Variants in RAB31 observed in about 807,000 individuals in gnomAD.
The protein encoded by RAB31 is ras-related protein Rab-31.
A neutral mutation model predicts 25.6 loss-of-function variants in RAB31; 21 were observed. The observed-to-expected ratio is 0.82, with a 90% CI of 0.58 to 1.18. The LOEUF (loss-of-function observed/expected upper bound fraction) is 1.18, where lower values mean the gene tolerates loss of function less well. Among genes scored for constraint, RAB31 ranks in the 50% most tolerant of loss-of-function variants. The pLI, the probability that RAB31 is intolerant of heterozygous loss-of-function variation, is 0.00. For missense variants in RAB31, 196 were observed against 250.1 expected, an observed-to-expected ratio of 0.78 and a Z score of 1.46; for synonymous variants, 87 against 84.0, an observed-to-expected ratio of 1.04 and a Z score of -0.20.
At position 9,815,242 on chromosome 18, in the gene RAB31, C is replaced by T. The variant is rs539681812; in HGVS notation, c.380+20C>T. 6.7e-7 allele frequency: 1 copy of T among 1,486,480 alleles called. No homozygotes were observed. The highest frequency in any genetic ancestry group is 2.5e-5 in the East Asian group (1 of 40,630). 92.1% of individuals were successfully genotyped at this position (1,486,480 alleles called of 1,614,324 possible). A position where few individuals can be genotyped will look rare whatever the true frequency, so the allele number is the denominator to read the frequency against. On this transcript the variant is annotated intron_variant, in intron 5 of 6. Coordinates refer to ENST00000578921, the MANE Select transcript of RAB31 (RefSeq NM_006868.4). Reference sequence around the variant, plus strand: ...TATTAGGTAAGATGCATTGAAATCTCTTTTGTGTAGATACTGTCCTCCATC... The same window carrying T: ...TATTAGGTAAGATGCATTGAAATCTTTTTTGTGTAGATACTGTCCTCCATC...
At chr18:9,857,258 C>T (rs62078776) in intron 6 of RAB31, among the ~76,000 whole-genome samples, 16,967 of 141,472 alleles carry the variant, frequency 0.12, 997 homozygotes, top group South Asian at 0.19. Context: ...TGGTGACTGT[C>T]TATACCATCT....
chr18:9,709,612 G>A (rs1169524491), intron 1 of RAB31, among the ~76,000 whole-genome samples: 1 of 152,106 alleles, frequency 6.6e-6, no homozygotes, highest in Non-Finnish European at 1.5e-5. Context: ...TCCCATCACC[G>A]GCCTCTTCCA....
chr18:9,796,081 A>G (rs1440829121), intron 3 of RAB31, among the ~76,000 whole-genome samples: 1 of 152,262 alleles, frequency 6.6e-6, no homozygotes, highest in East Asian at 1.9e-4. Flanking sequence ...CTAAATAATG[A>G]CATTCCAGCA....
chr18:9,745,914 T>C (rs1176178968), intron 1 of RAB31, among the ~76,000 whole-genome samples: 13 of 152,188 alleles, frequency 8.5e-5, no homozygotes, highest in African/African-American at 2.9e-4. Flanking sequence ...TAGGAAGTCT[T>C]ACCCAGAGCA....
chr18:9,787,034 A>T (rs772770794), intron 2 of RAB31: 17 of 190,112 alleles, frequency 8.9e-5, no homozygotes, highest in Non-Finnish European at 1.9e-4. Context: ...ATTAAAAATC[A>T]GCTTGGATTA....
intron 2 of RAB31, among the ~76,000 whole-genome samples, chr18:9,778,493 A>G (rs1321244537): frequency 2.0e-5 from 3 of 152,134 alleles, no homozygotes; most frequent in African/African-American, 7.2e-5. Context: ...TACTTGGCTC[A>G]AAAGTCTTGC....
At chr18:9,778,295 A>G (rs1219979107) in intron 2 of RAB31, among the ~76,000 whole-genome samples, 1 of 152,026 alleles carries the variant, frequency 6.6e-6, no homozygotes, top group East Asian at 1.9e-4. Flanking sequence ...AGGGTCGGGG[A>G]TGGATTGCTG....
intron 5 of RAB31, among the ~76,000 whole-genome samples, chr18:9,838,326 C>T (rs905264123): frequency 4.6e-5 from 7 of 152,282 alleles, no homozygotes; most frequent in South Asian, 4.1e-4. Flanking sequence ...CACCTGGGAA[C>T]GACTCTGAGC....
chr18:9,752,520 C>T (rs538255656), intron 1 of RAB31, among the ~76,000 whole-genome samples: 5 of 152,288 alleles, frequency 3.3e-5, no homozygotes, highest in Non-Finnish European at 5.9e-5. Context: ...CCATCGTGCC[C>T]GGCCCAGCTC....
At chr18:9,763,455 C>T (rs944273075) in intron 1 of RAB31, among the ~76,000 whole-genome samples, 18 of 151,476 alleles carry the variant, frequency 1.2e-4, no homozygotes, top group South Asian at 6.2e-4. Context: ...AGGAATAAAA[C>T]GAAACATTTA....
At chr18:9,767,824 T>G (rs2068324058) in intron 1 of RAB31, among the ~76,000 whole-genome samples, 1 of 152,230 alleles carries the variant, frequency 6.6e-6, no homozygotes, top group East Asian at 1.9e-4. Context: ...CACCCATCAA[T>G]CCGTCATCTA....
At chr18:9,798,060 C>T (rs2068495336) in intron 3 of RAB31, among the ~76,000 whole-genome samples, 1 of 152,218 alleles carries the variant, frequency 6.6e-6, no homozygotes, top group Non-Finnish European at 1.5e-5. Flanking sequence ...TCCATTGATA[C>T]ATCCATAATT....
chr18:9,708,555 C>A lies in RAB31; in HGVS notation c.39+111C>A. 3.1e-6 allele frequency: 3 copies of A among 965,294 alleles called. No homozygotes were observed. Among genetic ancestry groups the A allele is most frequent in the Admixed American group, 3.4e-5 (1 of 29,258 alleles). 59.8% of individuals were successfully genotyped at this position (965,294 alleles called of 1,614,324 possible). ...CGTGATCCCCTCGCTCTCCGCACCCCTCTCGTAGCCCCCGTCCCCCTCGTC... is the reference window on the plus strand; with the variant it reads ...CGTGATCCCCTCGCTCTCCGCACCCATCTCGTAGCCCCCGTCCCCCTCGTC... On this transcript the variant is annotated intron_variant, in intron 1 of 6. Transcript: ENST00000578921. The surrounding 1 kb of genome is among the most constrained non-coding windows in gnomAD (Gnocchi z 6.4).
At chr18:9,771,201 G>T (rs553582062) in intron 1 of RAB31, among the ~76,000 whole-genome samples, 1 of 152,074 alleles carries the variant, frequency 6.6e-6, no homozygotes, top group East Asian at 1.9e-4. Context: ...TGTACACTTA[G>T]CAGGGAAGTT....
chr18:9,822,910 G>T (rs1302536094), intron 5 of RAB31, among the ~76,000 whole-genome samples: 1 of 152,114 alleles, frequency 6.6e-6, no homozygotes, highest in Non-Finnish European at 1.5e-5. Context: ...CACATTCACG[G>T]GCATTTATCC....
At chr18:9,772,840 A>C (rs2068352161) in intron 1 of RAB31, among the ~76,000 whole-genome samples, 1 of 152,108 alleles carries the variant, frequency 6.6e-6, no homozygotes. Flanking sequence ...CTTGGGGGCT[A>C]CGTGGGCTAC....
chr18:9,741,610 T>A (rs913909149), intron 1 of RAB31, among the ~76,000 whole-genome samples: 6 of 152,120 alleles, frequency 3.9e-5, no homozygotes, highest in African/African-American at 1.4e-4. Flanking sequence ...GGACCACTTG[T>A]CCTGCGCCAG....
intron 5 of RAB31, among the ~76,000 whole-genome samples, chr18:9,841,802 G>A (rs1599063103): frequency 2.0e-5 from 3 of 152,174 alleles, no homozygotes; most frequent in Non-Finnish European, 2.9e-5. Flanking sequence ...GTCATGTAAG[G>A]ATTAAAGCCA....
intron 5 of RAB31, among the ~76,000 whole-genome samples, chr18:9,822,919 C>T (rs1224084561): frequency 6.6e-6 from 1 of 152,136 alleles, no homozygotes; most frequent in African/African-American, 2.4e-5. Context: ...GGGCATTTAT[C>T]CTGGAGAAAT....
Sources: allele counts gnomAD v4.1 joint callset (sites outside exome capture counted in the v4.1 genomes callset), GRCh38; gene constraint gnomAD v4.1.1; non-coding constraint Gnocchi (gnomAD v3.1); transcripts MANE v1.5; gene names NCBI Gene and HGNC (gene_info 2026-07-23, HGNC 2026-07-21).